The following FSCN3 variants were observed in gnomAD, a reference collection of about 807,000 sequenced individuals.
The protein encoded by FSCN3 is fascin actin-bundling protein 3.
Under a neutral mutation model 53.5 loss-of-function variants are expected in FSCN3, and 43 were observed. The observed-to-expected ratio is 0.80, with a 90% CI of 0.63 to 1.04. The LOEUF (loss-of-function observed/expected upper bound fraction) is 1.04. Among genes scored for constraint, FSCN3 ranks in the 50% least tolerant of loss-of-function variants. FSCN3 has a pLI of 0.00. For synonymous variants in FSCN3, 235 were observed against 246.6 expected (o/e 0.95, Z 0.44); for missense variants, 594 against 646.5 (o/e 0.92, Z 0.88).
chr7:127,599,600 C>CT, intron 5 of FSCN3, 49 bp downstream of exon 5: 2 of 1,563,712 alleles, frequency 1.3e-6, no homozygotes, highest in East Asian at 2.3e-5. Context: ...TAGTCCCTGC[C>CT]TTAGCCCCAG....
In FSCN3 at chr7:127,596,250, C is replaced by G; in HGVS notation, c.842-78C>G. ...GTGATGAAGTTTGAGGAGGGAGGGACAGAAGCCCCGGTCATAAAACATGGA... is the reference window on the plus strand; with the variant it reads ...GTGATGAAGTTTGAGGAGGGAGGGAGAGAAGCCCCGGTCATAAAACATGGA... On this transcript the variant is annotated intron_variant, in intron 2 of 6. Coordinates refer to ENST00000265825, the MANE Select transcript of FSCN3 (RefSeq NM_020369.3). 4 of 1,535,744 alleles carry G rather than the reference C, an allele frequency of 2.6e-6. No homozygotes were observed. In the South Asian group the frequency reaches 4.8e-5, roughly 18 times the overall value.
rs749119795 is a variant in FSCN3, at chr7:127,601,922, T to A, written c.*300T>A. 6 of 152,210 alleles carry A rather than the reference T, an allele frequency of 3.9e-5. No individual in the cohort carries two copies. The highest frequency in any genetic ancestry group is 8.8e-5 in the Non-Finnish European group (6 of 68,084). 9.4% of individuals were successfully genotyped at this position (152,210 alleles called of 1,614,324 possible). On this transcript the variant is annotated 3_prime_UTR_variant, in exon 7 of 7. Transcript: ENST00000265825. Reference sequence around the variant, plus strand: ...TGGCAAGCAGTTCTTCCACTGATCTTCCCCGTCCCCATCCAGAACTGCTAG... The same window carrying A: ...TGGCAAGCAGTTCTTCCACTGATCTACCCCGTCCCCATCCAGAACTGCTAG...
intron 1 of FSCN3, 21 bp downstream of exon 1, chr7:127,594,018 T>C (rs745332064): frequency 3.9e-5 from 63 of 1,611,486 alleles, no homozygotes; most frequent in Non-Finnish European, 5.3e-5. Context: ...AAACCCATGC[T>C]GGCACCAGTT....
At position 127,595,528 on chromosome 7, in the gene FSCN3, C is replaced by A. The variant is rs960337966; in HGVS notation, c.366C>A (p.Asp122Glu). 5 of 1,613,926 alleles carry A rather than the reference C, an allele frequency of 3.1e-6. No homozygotes were observed. In the African/African-American group the frequency reaches 5.3e-5, roughly 17 times the overall value. Residue 122 changes from aspartate to glutamate, a missense_variant, in exon 2 of 7, where the codon GAC becomes GAA. Physicochemically the swap from Asp to Glu is conservative, Grantham distance 45. Transcript: ENST00000265825. Reference sequence around the variant, plus strand: ...GTTATTTGGAGTCCAATGGCAAGGACGTGTTTTGCACTTCCCACGTCCTCT... The same window carrying A: ...GTTATTTGGAGTCCAATGGCAAGGAAGTGTTTTGCACTTCCCACGTCCTCT... The part of the protein sequence containing the change: ...SGRYLESNGK[D>E]VFCTSHVLSA...
At chr7:127,599,915 A>C (rs1189084967) in intron 5 of FSCN3, among the ~76,000 whole-genome samples, 2 of 148,712 alleles carry the variant, frequency 1.3e-5, no homozygotes, top group Non-Finnish European at 3.0e-5. Context: ...ACAGCACTCC[A>C]GCCTGGGCGA....
In FSCN3 at chr7:127,595,710, A is replaced by G. The variant is rs372632449; in HGVS notation, c.548A>G (p.His183Arg). ...PCLEECGFLL[H>R]FRDGCYHLET... Reference sequence around the variant, plus strand: ...CTGGAGGAGTGTGGCTTCCTGTTGCATTTCCGAGATGGATGCTACCACCTG... The same window carrying G: ...CTGGAGGAGTGTGGCTTCCTGTTGCGTTTCCGAGATGGATGCTACCACCTG... Residue 183 changes from histidine (H) to arginine (R), a missense_variant, in exon 2 of 7, where the codon CAT becomes CGT. Physicochemically the swap from His to Arg is conservative, Grantham distance 29. Transcript: ENST00000265825. The G allele has an allele frequency of 6.2e-6, 10 of 1,613,798 alleles. No individual in the cohort carries two copies. Among genetic ancestry groups the G allele is most frequent in the African/African-American group, 5.3e-5 (4 of 74,820 alleles).
Position 127,598,484 on chromosome 7 carries a change from C to T in FSCN3, c.1010C>T (p.Thr337Met), listed in dbSNP as rs778387751. 3.7e-6 allele frequency: 6 copies of T among 1,613,866 alleles called. No individual in the cohort carries two copies. The highest frequency in any genetic ancestry group is 1.7e-5 in the Admixed American group (1 of 59,998). Reference protein sequence around the residue: ...MADGHPLESDTFFRMHWNCGR... With the variant: ...MADGHPLESDMFFRMHWNCGR... The stretch of plus-strand genomic sequence containing the variant: ...GATGGGCACCCCCTGGAGTCTGACA[C>T]GTTCTTCCGAATGCACTGGAACTGT... Residue 337 changes from threonine (T) to methionine (M), a missense_variant, in exon 4 of 7, where the codon ACG (threonine) becomes ATG (methionine). Coordinates refer to ENST00000265825, the MANE Select transcript of FSCN3 (RefSeq NM_020369.3).
intron 6 of FSCN3, among the ~76,000 whole-genome samples, chr7:127,601,115 CT>C (rs999518394): frequency 1.3e-5 from 2 of 152,334 alleles, no homozygotes; most frequent in African/African-American, 2.4e-5. Context: ...TTGGCTACTT[CT>C]TTAACAATGC....
At position 127,600,280 on chromosome 7, in the gene FSCN3, C is replaced by T; in HGVS notation, c.1378C>T (p.Gln460Ter). 3.7e-6 allele frequency: 6 copies of T among 1,609,268 alleles called. No homozygotes were observed. The highest frequency in any genetic ancestry group is 5.1e-6 in the Non-Finnish European group (6 of 1,175,474). ...TGCCCTCAACTTCTGTATCGAGCTT[C>T]AGGGGAGCAACTTACTCACTGTACT... ...KFALNFCIELQGSNLLTVLAP... is the reference protein window; with the variant it reads ...KFALNFCIEL Residue 460 changes from glutamine to a stop codon, truncating the protein, a stop_gained, in exon 6 of 7, where the codon CAG becomes TAG. Transcript: ENST00000265825. LOFTEE classifies it high-confidence loss of function.
chr7:127,594,898 C>T lies in FSCN3; in HGVS notation c.145-409C>T, dbSNP rs140808321. The T allele has an allele frequency of 1.7e-4, 81 of 475,876 alleles. No homozygotes were observed. The East Asian group carries it at 5.2e-3, about 31-fold the overall frequency. 29.5% of individuals were successfully genotyped at this position (475,876 alleles called of 1,614,324 possible). A position where few individuals can be genotyped will look rare whatever the true frequency, so the allele number is the denominator to read the frequency against. On this transcript the variant is annotated intron_variant, in intron 1 of 6. Coordinates refer to ENST00000265825, the MANE Select transcript of FSCN3 (RefSeq NM_020369.3). The stretch of plus-strand genomic sequence containing the variant: ...TCTGTCTTGCCATGCTGGAAGGCAA[C>T]CTTTGGGGATGGAGGTATTGGCTAA...
chr7:127,594,651 G>A, intron 1 of FSCN3: 1 of 471,146 alleles, frequency 2.1e-6, no homozygotes, highest in Non-Finnish European at 4.4e-6. Flanking sequence ...TTCTGTTCTG[G>A]TTGTGGTTTG....
rs984344550 is a variant in FSCN3, at chr7:127,595,694, T to G, written c.532T>G (p.Cys178Gly). 7 of 1,613,612 alleles carry G rather than the reference T, an allele frequency of 4.3e-6. No individual in the cohort carries two copies. The highest frequency in any genetic ancestry group is 1.3e-5 in the African/African-American group (1 of 74,804). Reference protein sequence around the residue: ...VDAAVPCLEECGFLLHFRDGC... With the variant: ...VDAAVPCLEEGGFLLHFRDGC... ...CGCAGCAGTTCCCTGCCTGGAGGAG[T>G]GTGGCTTCCTGTTGCATTTCCGAGA... Residue 178 changes from cysteine to glycine, a missense_variant, in exon 2 of 7, where the codon TGT (cysteine) becomes GGT (glycine). By Grantham distance (159) the Cys-to-Gly change is radical. Transcript: ENST00000265825.
intron 6 of FSCN3, among the ~76,000 whole-genome samples, chr7:127,600,738 G>T (rs564233161): frequency 1.3e-5 from 2 of 152,178 alleles, no homozygotes; most frequent in East Asian, 3.9e-4. Flanking sequence ...TAGGGAAAAC[G>T]GATGACTTTG....
rs1311912956 is a variant in FSCN3 at position 127,595,570 on chromosome 7, G to T, written c.408G>T (p.Trp136Cys). The T allele has an allele frequency of 1.4e-5, 22 of 1,613,940 alleles. No homozygotes were observed. The highest frequency in any genetic ancestry group is 1.8e-5 in the Non-Finnish European group (21 of 1,180,002). Residue 136 changes from tryptophan (W) to cysteine (C), a missense_variant, in exon 2 of 7, where the codon TGG becomes TGT. Physicochemically the swap from Trp to Cys is radical, Grantham distance 215. Coordinates refer to ENST00000265825, the MANE Select transcript of FSCN3 (RefSeq NM_020369.3). ...ACGTCCTCTCAGCTTACCACATGTG[G>T]ACCCCCCGACCAGCCCTCCATGTCC... ...TSHVLSAYHM[W>C]TPRPALHVHV...
intron 1 of FSCN3, chr7:127,594,758 A>G (rs1391033698): frequency 2.1e-6 from 1 of 471,192 alleles, no homozygotes. Flanking sequence ...GGCAGGGGCA[A>G]AGTTCTTCCT....
chr7:127,599,505 C>T lies in FSCN3; in HGVS notation c.1245C>T (p.Asp415=), dbSNP rs1323713409. 1.2e-6 allele frequency: 2 copies of T among 1,614,172 alleles called. No homozygotes were observed. Among genetic ancestry groups the T allele is most frequent in the South Asian group, 1.1e-5 (1 of 91,078 alleles). ...TACAGTGCAACCAGGATCAGCCCGACCGCATTCATCTACTACCCTGCCGAC... is the reference window on the plus strand; with the variant it reads ...TACAGTGCAACCAGGATCAGCCCGATCGCATTCATCTACTACCCTGCCGAC... The part of the protein sequence containing the change: ...DLIQCNQDQP[D]RIHLLPCRPG... The change falls in exon 5 of 7, where the codon GAC becomes GAT. Residue 415 remains aspartate, a synonymous_variant. Transcript: ENST00000265825.
chr7:127,594,281 C>CGT (rs1794349261), intron 1 of FSCN3, among the ~76,000 whole-genome samples: 2 of 65,820 alleles, frequency 3.0e-5, no homozygotes, highest in African/African-American at 1.0e-4. Context: ...TGTGTGTGTG[C>CGT]GCACTTGCCT....
intron 1 of FSCN3, 105 bp from the exon 2 acceptor site, chr7:127,595,202 G>T: frequency 2.2e-6 from 2 of 909,398 alleles, no homozygotes. Flanking sequence ...GGTGGCTGGT[G>T]CTGATGAAGG....
Position 127,595,307 on chromosome 7 carries a change from A to G in FSCN3, c.145A>G (p.Thr49Ala), listed in dbSNP as rs1048876688. 1 of 1,607,288 alleles carries G rather than the reference A, an allele frequency of 6.2e-7. No homozygotes were observed. The highest frequency in any genetic ancestry group is 1.3e-5 in the African/African-American group (1 of 74,794). Residue 49 changes from threonine (T) to alanine (A), a missense_variant and splice_region_variant, in exon 2 of 7, where the codon ACC (threonine) becomes GCC (alanine). Coordinates refer to ENST00000265825, the MANE Select transcript of FSCN3 (RefSeq NM_020369.3). ...ATAKSLGRRQ[T>A]WEILVSNEHE... ...CTCTTCTCCCTCCTGATGCCTCCAG[A>G]CCTGGGAGATCTTGGTGAGCAATGA...
Sources: gnomAD v4.1 joint callset for allele counts (sites outside exome capture counted in the v4.1 genomes callset) on GRCh38, gnomAD v4.1.1 for gene constraint, MANE v1.5 for transcripts, NCBI Gene and HGNC (gene_info 2026-07-23, HGNC 2026-07-21) for gene names.